Variants in RBL1 observed in about 807,000 individuals in gnomAD.
RBL1 encodes retinoblastoma-like protein 1.
RBL1 carries 82 observed loss-of-function variants against 123.0 expected under a neutral mutation model. The observed-to-expected ratio is 0.67, with a 90% CI of 0.56 to 0.80. The LOEUF is 0.80. Among genes scored for constraint, RBL1 ranks in the 30% least tolerant of loss-of-function variants. RBL1 has a pLI of 0.00. For synonymous variants in RBL1, 405 were observed against 441.3 expected (o/e 0.92, Z 1.03); for missense variants, 1,171 against 1,299.6 (o/e 0.90, Z 1.52).
chr20:37,002,204 T>C (rs906879859), intron 21 of RBL1, among the ~76,000 whole-genome samples: 1 of 151,850 alleles, frequency 6.6e-6, no homozygotes, highest in African/African-American at 2.4e-5. Context: ...TATTTTTTTG[T>C]CTTTTTAGTA....
chr20:37,016,142 C>T (rs1414130228), intron 19 of RBL1, among the ~76,000 whole-genome samples: 1 of 151,582 alleles, frequency 6.6e-6, no homozygotes, highest in Non-Finnish European at 1.5e-5. Flanking sequence ...ATTCTTGTGC[C>T]TCAGCCTCCT....
chr20:37,075,351 G>A (rs112152029), intron 2 of RBL1, among the ~76,000 whole-genome samples: 3,275 of 152,104 alleles, frequency 0.022, 53 homozygotes, highest in Middle Eastern at 0.037. Context: ...TGAATTATAT[G>A]GTATGTCATA....
intron 16 of RBL1, among the ~76,000 whole-genome samples, chr20:37,031,244 A>C (rs2064506597): frequency 6.6e-6 from 1 of 152,174 alleles, no homozygotes; most frequent in Admixed American, 6.5e-5. Flanking sequence ...CTATCAACGG[A>C]ATGAAAAGGC....
At chr20:37,093,081 T>C (rs530692863) in intron 1 of RBL1, among the ~76,000 whole-genome samples, 2 of 152,118 alleles carry the variant, frequency 1.3e-5, no homozygotes, top group South Asian at 2.1e-4. Flanking sequence ...TGTAGGAGAA[T>C]ATAGTGCAGT....
chr20:37,011,681 C>T (rs1466543059), intron 19 of RBL1, among the ~76,000 whole-genome samples: 4 of 151,524 alleles, frequency 2.6e-5, no homozygotes, highest in African/African-American at 9.7e-5. Flanking sequence ...GTGATCTGCC[C>T]GCCTCGGTCT....
chr20:37,018,477 G>A, intron 18 of RBL1, 108 bp from the exon 19 acceptor site: 2 of 1,398,046 alleles, frequency 1.4e-6, no homozygotes, highest in Non-Finnish European at 1.9e-6. Context: ...CTATTTGTCT[G>A]TATAAGTGAT....
At chr20:37,089,558 CGCTTAAG>C (rs1347036241) in intron 1 of RBL1, among the ~76,000 whole-genome samples, 1 of 151,442 alleles carries the variant, frequency 6.6e-6, no homozygotes, top group Non-Finnish European at 1.5e-5. Context: ...GCAAGAGTAT[CGCTTAAG>C]CTCAGGAGTT....
At position 37,032,794 on chromosome 20, in the gene RBL1, T is replaced by C; in HGVS notation, c.2253A>G (p.Val751=). ...CAATTAATGAATGAGCAGTAAGTGA[T>C]ACAGGACTCTTGACTTTGGACTCCT... The part of the protein sequence containing the change: ...TNQESKVKSP[V]SLTAHSLIGA... Residue 751 remains valine, a synonymous_variant, in exon 16 of 22, where the codon GTA becomes GTG. Transcript: ENST00000373664. 1 of 1,614,096 alleles carries C rather than the reference T, an allele frequency of 6.2e-7. No individual in the cohort carries two copies. The highest frequency in any genetic ancestry group is 8.5e-7 in the Non-Finnish European group (1 of 1,179,996).
chr20:37,030,804 G>A (rs574389582), intron 16 of RBL1, among the ~76,000 whole-genome samples: 16 of 150,520 alleles, frequency 1.1e-4, no homozygotes, highest in South Asian at 1.1e-3. Context: ...GCAGTGAGCC[G>A]AGATTGCGCT....
chr20:37,069,879 C>T (rs1357854577), intron 2 of RBL1, among the ~76,000 whole-genome samples: 3 of 151,546 alleles, frequency 2.0e-5, no homozygotes, highest in Non-Finnish European at 2.9e-5. Context: ...CCAGCCGCCC[C>T]GTCCAGGAGG....
intron 18 of RBL1, 139 bp from the exon 19 acceptor site, chr20:37,018,508 T>G: frequency 3.3e-6 from 4 of 1,201,102 alleles, no homozygotes; most frequent in Middle Eastern, 2.0e-4. Context: ...AAAATGTTAT[T>G]AGCTCTAGTA....
At chr20:37,058,926 G>A (rs1225629255) in intron 9 of RBL1, among the ~76,000 whole-genome samples, 1 of 151,994 alleles carries the variant, frequency 6.6e-6, no homozygotes, top group Non-Finnish European at 1.5e-5. Context: ...TAGAGACAGG[G>A]TCTCATCATG....
chr20:37,089,018 A>G lies in RBL1; in HGVS notation c.261T>C (p.Leu87=). The change falls in exon 2 of 22, where the codon CTT becomes CTC. Residue 87 remains leucine (L), a synonymous_variant. Coordinates refer to ENST00000373664, the MANE Select transcript of RBL1 (RefSeq NM_002895.5). ...ATTTAGCTGAACGTAGTATTCTGGT[A>G]AGTGAAACACAGTTGCCTTCCATGA... The part of the protein sequence containing the change: ...KGIMEGNCVS[L]TRILRSAKLS... The G allele has an allele frequency of 6.2e-7, 1 of 1,610,552 alleles. No individual in the cohort carries two copies.
At chr20:37,090,639 T>C (rs143011891) in intron 1 of RBL1, among the ~76,000 whole-genome samples, 1 of 152,212 alleles carries the variant, frequency 6.6e-6, no homozygotes. Context: ...ATGCATTGCT[T>C]AATGACAGGG....
At chr20:37,000,842 A>C in intron 21 of RBL1, among the ~76,000 whole-genome samples, 1 of 122,562 alleles carries the variant, frequency 8.2e-6, no homozygotes. Flanking sequence ...GGCCGCCCCT[A>C]CTGGGACGTG....
chr20:37,091,720 T>A (rs1236539053), intron 1 of RBL1, among the ~76,000 whole-genome samples: 1 of 149,976 alleles, frequency 6.7e-6, no homozygotes, highest in Non-Finnish European at 1.5e-5. Flanking sequence ...AACACAATAG[T>A]GTTCTTATAC....
chr20:37,012,524 T>G (rs1487063225), intron 19 of RBL1, among the ~76,000 whole-genome samples: 1 of 145,260 alleles, frequency 6.9e-6, no homozygotes, highest in African/African-American at 2.6e-5. Context: ...CCGCCCCGTC[T>G]GGGATGTGAG....
rs1463335451 is a variant in RBL1, at chr20:36,998,790, T to A, written c.3176A>T (p.Gln1059Leu). ...ENDDVLLKRL[Q>L]DVVSERANH ...ATTTGCTCTTTCACTGACAACATCC[T>A]GTAGTCGTTTCAGTAAAACGTCATC... Residue 1059 changes from glutamine (Q) to leucine (L), a missense_variant, in exon 22 of 22, where the codon CAG becomes CTG. Gln to Leu is a moderately radical substitution (Grantham distance 113). Coordinates refer to ENST00000373664, the MANE Select transcript of RBL1 (RefSeq NM_002895.5). 10 of 1,613,452 alleles carry A rather than the reference T, an allele frequency of 6.2e-6. No homozygotes were observed. The highest frequency in any genetic ancestry group is 8.5e-6 in the Non-Finnish European group (10 of 1,179,736).
At chr20:37,095,600 ATGATGGGTGGATTGGCTGAG>A (rs2065722586) in intron 1 of RBL1, among the ~76,000 whole-genome samples, 153 bp downstream of exon 1, 1 of 152,128 alleles carries the variant, frequency 6.6e-6, no homozygotes, top group Non-Finnish European at 1.5e-5. Context: ...CCGCCTCAAA[ATGATGGGTGGATTGGCTGAG>A]CTACACCCAC....
Sources: gnomAD v4.1 joint callset for allele counts (sites outside exome capture counted in the v4.1 genomes callset) on GRCh38, gnomAD v4.1.1 for gene constraint, MANE v1.5 for transcripts, NCBI Gene and HGNC (gene_info 2026-07-23, HGNC 2026-07-21) for gene names.